Variants in RIMS1 observed in about 807,000 individuals in gnomAD.
RIMS1 encodes the protein regulating synaptic membrane exocytosis protein 1.
Under a neutral mutation model 214.1 loss-of-function variants are expected in RIMS1, and 83 were observed. The ratio of observed to expected loss-of-function variants is 0.39; its 90% CI spans 0.32 to 0.47. RIMS1 has a LOEUF of 0.47. RIMS1 is among the 20% of genes least tolerant of loss of function. RIMS1 has a pLI of 0.99. For missense variants in RIMS1, 2,050 were observed against 2,161.8 expected (o/e 0.95, Z 1.03); for synonymous variants, 793 against 786.8 (o/e 1.01, Z -0.13).
chr6:72,231,206 G>T (rs1277255107), intron 6 of RIMS1, among the ~76,000 whole-genome samples: 1 of 151,626 alleles, frequency 6.6e-6, no homozygotes, highest in African/African-American at 2.4e-5. Flanking sequence ...GTGCTTCAAA[G>T]TTCAGTAATA....
chr6:71,969,710 G>A (rs1330436207), intron 2 of RIMS1, among the ~76,000 whole-genome samples: 1 of 152,162 alleles, frequency 6.6e-6, no homozygotes, highest in Non-Finnish European at 1.5e-5. Context: ...TTGGGAGGCT[G>A]AGGCAGGAAA....
At chr6:72,100,794 G>C (rs182744730) in intron 4 of RIMS1, among the ~76,000 whole-genome samples, 9 of 151,964 alleles carry the variant, frequency 5.9e-5, no homozygotes, top group African/African-American at 2.2e-4. Context: ...AGCTGCCTTT[G>C]TTCAAAAATT....
intron 6 of RIMS1, among the ~76,000 whole-genome samples, chr6:72,211,063 A>C (rs2053727113): frequency 6.6e-6 from 1 of 152,196 alleles, no homozygotes; most frequent in South Asian, 2.1e-4. Context: ...CGTGAACCTG[A>C]ACATGTTTTT....
intron 2 of RIMS1, among the ~76,000 whole-genome samples, chr6:72,090,799 A>C (rs149041770): frequency 1.5e-3 from 227 of 152,322 alleles, no homozygotes; most frequent in African/African-American, 5.2e-3. Context: ...TGATGTCAAA[A>C]TGTGTATAAA....
chr6:72,274,079 GA>G (rs1297562007), intron 22 of RIMS1, among the ~76,000 whole-genome samples: 1 of 152,032 alleles, frequency 6.6e-6, no homozygotes, highest in East Asian at 1.9e-4. Flanking sequence ...CATTTTGGAA[GA>G]AAAAAACTAC....
intron 29 of RIMS1, among the ~76,000 whole-genome samples, chr6:72,358,719 T>C (rs1053224461): frequency 1.3e-5 from 2 of 152,276 alleles, no homozygotes; most frequent in Admixed American, 1.3e-4. Flanking sequence ...TGTCTATTGA[T>C]TGAAGGCAGG....
At chr6:72,013,280 A>G (rs1296831436) in intron 2 of RIMS1, among the ~76,000 whole-genome samples, 6 of 152,204 alleles carry the variant, frequency 3.9e-5, no homozygotes, top group Non-Finnish European at 7.3e-5. Flanking sequence ...AAAAACAGCA[A>G]TATAATTTAT....
chr6:71,960,050 A>G (rs144840496), intron 1 of RIMS1, among the ~76,000 whole-genome samples: 19 of 152,198 alleles, frequency 1.2e-4, no homozygotes, highest in Admixed American at 9.8e-4. Flanking sequence ...TTTGTTGTTT[A>G]TTGCTTTTCA....
intron 1 of RIMS1, among the ~76,000 whole-genome samples, chr6:71,956,911 G>A (rs58804602): frequency 0.051 from 7,684 of 152,134 alleles, 346 homozygotes; most frequent in East Asian, 0.19. Flanking sequence ...CAGCTCTGTA[G>A]GTCTGAGCTG....
intron 26 of RIMS1, among the ~76,000 whole-genome samples, chr6:72,303,725 GAATA>G (rs1022934217): frequency 1.3e-5 from 2 of 151,388 alleles, no homozygotes; most frequent in African/African-American, 4.8e-5. Flanking sequence ...TATAAAGTTG[GAATA>G]AATAAAATGG....
chr6:72,243,458 G>A (rs186877772), intron 10 of RIMS1, among the ~76,000 whole-genome samples: 351 of 151,788 alleles, frequency 2.3e-3, no homozygotes, highest in Non-Finnish European at 3.6e-3. Flanking sequence ...CAAAAGTGTT[G>A]TACATTTCCA....
chr6:72,020,175 A>G (rs1422699017), intron 2 of RIMS1, among the ~76,000 whole-genome samples: 1 of 152,190 alleles, frequency 6.6e-6, no homozygotes, highest in Non-Finnish European at 1.5e-5. Context: ...TTTTTAATAT[A>G]GCAGTCAATT....
intron 2 of RIMS1, among the ~76,000 whole-genome samples, chr6:72,014,934 A>G (rs540011209): frequency 6.6e-6 from 1 of 152,306 alleles, no homozygotes; most frequent in East Asian, 1.9e-4. Flanking sequence ...ATTTTGTATT[A>G]GGTTATTTCT....
At chr6:71,992,404 C>CTCTCTCTCTTTCTTTCTT (rs1252103778) in intron 2 of RIMS1, among the ~76,000 whole-genome samples, 1 of 110,080 alleles carries the variant, frequency 9.1e-6, no homozygotes. Context: ...TTCTCTCTCT[C>CTCTCTCTCTTTCTTTCTT]TCTTTCTTTC....
chr6:71,942,556 T>C (rs1786504392), intron 1 of RIMS1, among the ~76,000 whole-genome samples: 1 of 152,304 alleles, frequency 6.6e-6, no homozygotes, highest in East Asian at 1.9e-4. Flanking sequence ...GTTATAGTTT[T>C]ATGCTACGTT....
chr6:72,167,667 G>A (rs2046447124), intron 4 of RIMS1, among the ~76,000 whole-genome samples: 1 of 151,946 alleles, frequency 6.6e-6, no homozygotes, highest in Non-Finnish European at 1.5e-5. Flanking sequence ...GTCAGTTTTG[G>A]TAGTTTGAGT....
chr6:72,200,087 T>G (rs974323218), intron 6 of RIMS1, among the ~76,000 whole-genome samples: 2 of 152,130 alleles, frequency 1.3e-5, no homozygotes, highest in African/African-American at 4.8e-5. Context: ...TAATATTTCT[T>G]TTATTAAATT....
At chr6:72,143,654 C>T (rs2042351593) in intron 4 of RIMS1, among the ~76,000 whole-genome samples, 1 of 152,174 alleles carries the variant, frequency 6.6e-6, no homozygotes, top group Non-Finnish European at 1.5e-5. Flanking sequence ...AGCCTTCTAT[C>T]ACGCTGTGTT....
chr6:72,229,380 CACAT>C (rs1199038727), intron 6 of RIMS1, among the ~76,000 whole-genome samples: 1 of 151,814 alleles, frequency 6.6e-6, no homozygotes, highest in African/African-American at 2.4e-5. Flanking sequence ...TGCAACAGTA[CACAT>C]AGATTTATTT....
Sources: allele counts gnomAD v4.1 joint callset (sites outside exome capture counted in the v4.1 genomes callset), GRCh38; gene constraint gnomAD v4.1.1; transcripts MANE v1.5; gene names NCBI Gene and HGNC (gene_info 2026-07-23, HGNC 2026-07-21).